Variants in CSMD1 observed in about 807,000 individuals in gnomAD.
CSMD1 encodes CUB and Sushi multiple domains 1.
Under a neutral mutation model 417.5 loss-of-function variants are expected in CSMD1, and 213 were observed. The observed-to-expected ratio is 0.51, with a 90% confidence interval of 0.46 to 0.57. The LOEUF (loss-of-function observed/expected upper bound fraction) is 0.57, where lower values mean the gene tolerates loss of function less well. Among genes scored for constraint, CSMD1 ranks in the 20% least tolerant of loss-of-function variants. The probability of loss-of-function intolerance (pLI) is 0.00; values close to 1 mark genes in which losing one functional copy is unlikely to be tolerated. For missense variants in CSMD1, 6,923 were observed against 4,529.7 expected (o/e 1.53, Z -15.17); for synonymous variants, 2,862 against 1,736.8 (o/e 1.65, Z -16.11).
At chr8:4,846,397 C>T (rs1056911250) in intron 1 of CSMD1, among the ~76,000 whole-genome samples, 1 of 152,086 alleles carries the variant, frequency 6.6e-6, no homozygotes, top group Non-Finnish European at 1.5e-5. Context: ...TTCCTAAAGC[C>T]ATCACTAACT....
At chr8:3,676,353 C>G (rs552760091) in intron 7 of CSMD1, among the ~76,000 whole-genome samples, 8 of 152,252 alleles carry the variant, frequency 5.3e-5, no homozygotes, top group African/African-American at 1.7e-4. Flanking sequence ...TGGCCGCCCG[C>G]CAGGCAGGAT....
At chr8:4,420,931 A>G (rs77549039) in intron 2 of CSMD1, among the ~76,000 whole-genome samples, 1,893 of 152,220 alleles carry the variant, frequency 0.012, 20 homozygotes, top group Non-Finnish European at 0.018. Context: ...CTTTTGGTTT[A>G]TCACCTTTCT....
intron 3 of CSMD1, among the ~76,000 whole-genome samples, chr8:4,409,606 A>C (rs1240185757): frequency 6.6e-6 from 1 of 151,336 alleles, no homozygotes; most frequent in Non-Finnish European, 1.5e-5. Flanking sequence ...ACTCTGACTT[A>C]GAAGAGTATA....
chr8:4,206,879 C>A (rs1256802429), intron 3 of CSMD1, among the ~76,000 whole-genome samples: 1 of 152,056 alleles, frequency 6.6e-6, no homozygotes, highest in Non-Finnish European at 1.5e-5. Flanking sequence ...TATTATTTTT[C>A]CATAGTTCAG....
At chr8:4,110,222 A>T (rs1199993106) in intron 3 of CSMD1, among the ~76,000 whole-genome samples, 3 of 152,170 alleles carry the variant, frequency 2.0e-5, no homozygotes, top group Non-Finnish European at 4.4e-5. Flanking sequence ...TATAGATATG[A>T]AATAAAATAA....
At chr8:3,120,802 A>C (rs1278423895) in intron 41 of CSMD1, among the ~76,000 whole-genome samples, 2 of 152,096 alleles carry the variant, frequency 1.3e-5, no homozygotes, top group African/African-American at 4.8e-5. Flanking sequence ...AGCCGAGATC[A>C]CGCCACTGCA....
At chr8:3,425,587 C>CAAAA (rs5888966) in intron 12 of CSMD1, among the ~76,000 whole-genome samples, 29 of 97,478 alleles carry the variant, frequency 3.0e-4, no homozygotes, top group East Asian at 2.2e-3. Context: ...GATTCGGTCT[C>CAAAA]AAAAAAAAAA....
intron 1 of CSMD1, chr8:4,787,275 T>G: frequency 1.6e-6 from 1 of 623,200 alleles, no homozygotes; most frequent in Admixed American, 2.7e-5. Context: ...CACCCCTCTT[T>G]TCTAGAGCTC....
chr8:4,161,121 T>TAAA (rs56718091), intron 3 of CSMD1, among the ~76,000 whole-genome samples: 2 of 148,742 alleles, frequency 1.3e-5, no homozygotes, highest in East Asian at 2.0e-4. Flanking sequence ...ACAAATAATG[T>TAAA]AAAAAAAAAA....
At chr8:4,238,094 G>C (rs1802174592) in intron 3 of CSMD1, among the ~76,000 whole-genome samples, 1 of 152,152 alleles carries the variant, frequency 6.6e-6, no homozygotes, top group Admixed American at 6.5e-5. Context: ...TTTTAAGATT[G>C]AGACACAATT....
At chr8:3,202,333 GC>G (rs577711545) in intron 31 of CSMD1, among the ~76,000 whole-genome samples, 130 of 152,256 alleles carry the variant, frequency 8.5e-4, no homozygotes, top group African/African-American at 2.6e-3. Context: ...TTAATACGTT[GC>G]CGTATTCATA....
At chr8:3,487,514 T>G (rs1168545042) in intron 11 of CSMD1, among the ~76,000 whole-genome samples, 6 of 152,184 alleles carry the variant, frequency 3.9e-5, no homozygotes, top group African/African-American at 1.2e-4. Context: ...CAGTATAAAT[T>G]TAAGGCAGAT....
chr8:4,624,072 C>T (rs17070856), intron 2 of CSMD1, among the ~76,000 whole-genome samples: 42,830 of 152,012 alleles, frequency 0.28, 6,361 homozygotes, highest in Middle Eastern at 0.36. Flanking sequence ...CTAGCTCTTG[C>T]GTAAAGAAAT....
intron 3 of CSMD1, among the ~76,000 whole-genome samples, chr8:4,389,266 G>T (rs1213813691): frequency 6.6e-6 from 1 of 152,080 alleles, no homozygotes; most frequent in Non-Finnish European, 1.5e-5. Context: ...CATAAATGAA[G>T]AATACAGAAC....
At chr8:3,298,145 A>AG (rs747018323) in intron 25 of CSMD1, among the ~76,000 whole-genome samples, 4 of 152,172 alleles carry the variant, frequency 2.6e-5, no homozygotes, top group Non-Finnish European at 5.9e-5. Flanking sequence ...TCAGGGAGTG[A>AG]GGGTAAGAAT....
chr8:3,860,249 G>A (rs1015648881), intron 5 of CSMD1, among the ~76,000 whole-genome samples: 6 of 152,110 alleles, frequency 3.9e-5, no homozygotes, highest in Non-Finnish European at 8.8e-5. Context: ...CTCTGTTTCA[G>A]TCAGACCATT....
At chr8:4,259,475 T>A (rs1446010782) in intron 3 of CSMD1, among the ~76,000 whole-genome samples, 5 of 152,304 alleles carry the variant, frequency 3.3e-5, no homozygotes, top group Admixed American at 2.6e-4. Flanking sequence ...GGCTTAAAAA[T>A]TAAATTTTCA....
At chr8:3,304,728 C>CTG (rs1465964978) in intron 25 of CSMD1, among the ~76,000 whole-genome samples, 2 of 28,770 alleles carry the variant, frequency 7.0e-5, no homozygotes, top group Non-Finnish European at 2.3e-4. Flanking sequence ...TTTTATTTTT[C>CTG]TCTTTTTAAT....
intron 3 of CSMD1, among the ~76,000 whole-genome samples, chr8:4,102,114 T>G (rs891015190): frequency 6.6e-6 from 1 of 152,158 alleles, no homozygotes; most frequent in Non-Finnish European, 1.5e-5. Flanking sequence ...TTGAAACAAA[T>G]AAGAAATATA....
Sources: allele counts gnomAD v4.1 joint callset (sites outside exome capture counted in the v4.1 genomes callset), GRCh38; gene constraint gnomAD v4.1.1; transcripts MANE v1.5; gene names NCBI Gene and HGNC (gene_info 2026-07-23, HGNC 2026-07-21).